The following ANKRD52 variants were observed in gnomAD, a reference collection of about 807,000 sequenced individuals.
ANKRD52 encodes the protein serine/threonine-protein phosphatase 6 regulatory ankyrin repeat subunit C.
ANKRD52 carries 7 observed loss-of-function variants against 116.0 expected under a neutral mutation model. The ratio of observed to expected loss-of-function variants is 0.06; its 90% CI spans 0.03 to 0.11. ANKRD52 has a LOEUF of 0.11. Ranked by LOEUF, ANKRD52 falls within the 10% of genes least tolerant of loss-of-function variation. The pLI is 1.00. For synonymous variants in ANKRD52, 528 were observed against 578.1 expected (o/e 0.91, Z 1.24); for missense variants, 839 against 1,408.6 (o/e 0.60, Z 6.47).
At position 56,244,319 on chromosome 12, in the gene ANKRD52, C is replaced by T. The variant is rs936472645; in HGVS notation, c.2805+34G>A. On this transcript the variant is annotated intron_variant, in intron 25 of 27. Transcript: ENST00000267116. This position sits in a 1 kb window ranked among gnomAD's most constrained non-coding sequence, Gnocchi z 4.9. Reference sequence around the variant, plus strand: ...TACCTCTCTTCATCAAGCTCTGCCCCTTATGCAGTCCCCCAATCACTTCAG... The same window carrying T: ...TACCTCTCTTCATCAAGCTCTGCCCTTTATGCAGTCCCCCAATCACTTCAG... The T allele has an allele frequency of 6.2e-7, 1 of 1,608,202 alleles. No individual in the cohort carries two copies. Among genetic ancestry groups the T allele is most frequent in the Non-Finnish European group, 8.5e-7 (1 of 1,174,782 alleles).
Position 56,245,473 on chromosome 12 carries a change from G to A in ANKRD52, c.2308C>T (p.Leu770=). The A allele has an allele frequency of 6.2e-7, 1 of 1,612,468 alleles. No homozygotes were observed. Among genetic ancestry groups the A allele is most frequent in the Admixed American group, 1.7e-5 (1 of 59,398 alleles). ...AGGGCAGCCTGCAGCAGGGTCCGCA[G>A]TACTGCAGTGTGGCCACAGGCTGAG... ...LASACGHTAV[L]RTLLQAALST... The change falls in exon 21 of 28, where the codon CTG becomes TTG. Residue 770 remains leucine, a synonymous_variant. Coordinates refer to ENST00000267116, the MANE Select transcript of ANKRD52 (RefSeq NM_173595.4).
chr12:56,246,919 CAATAATAATAATAATAATAATAATAAT>C (rs374443069), intron 20 of ANKRD52, among the ~76,000 whole-genome samples: 4 of 125,502 alleles, frequency 3.2e-5, no homozygotes, highest in African/African-American at 1.2e-4. Context: ...GACTCTATCT[CAATAATAATAATAATAATAATAATAAT>C]AATAATAATA....
rs765088809 is a variant in ANKRD52 at position 56,243,182 on chromosome 12, C to T, written c.3191G>A (p.Arg1064Gln). The T allele has an allele frequency of 9.3e-6, 15 of 1,610,536 alleles. No homozygotes were observed. Among genetic ancestry groups the T allele is most frequent in the East Asian group, 4.5e-5 (2 of 44,772 alleles). The change falls in exon 28 of 28, where the codon CGG (arginine) becomes CAG (glutamine). Residue 1064 changes from arginine to glutamine, a missense_variant. By Grantham distance (43) the Arg-to-Gln change is conservative. Coordinates refer to ENST00000267116, the MANE Select transcript of ANKRD52 (RefSeq NM_173595.4). The surrounding 1 kb of genome is among the most constrained non-coding windows in gnomAD (Gnocchi z 4.6). Reference sequence around the variant, plus strand: ...GCCATCTAACCCAATGGCGCCGGGCCGCTCCTGGCTGTAGGGGCAGGAGGC... The same window carrying T: ...GCCATCTAACCCAATGGCGCCGGGCTGCTCCTGGCTGTAGGGGCAGGAGGC... ...HGASCPYSQE[R>Q]PGAIGLDGCY...
chr12:56,255,659 A>T lies in ANKRD52; in HGVS notation c.462+125T>A. 1 of 809,524 alleles carries T rather than the reference A, an allele frequency of 1.2e-6. No individual in the cohort carries two copies. The highest frequency in any genetic ancestry group is 1.9e-6 in the Non-Finnish European group (1 of 515,488). The allele number at this position is 809,524 out of a possible 1,614,324, so 50.1% of individuals were successfully genotyped here. On this transcript the variant is annotated intron_variant, in intron 5 of 27. Coordinates refer to ENST00000267116, the MANE Select transcript of ANKRD52 (RefSeq NM_173595.4). The surrounding 1 kb of genome is among the most constrained non-coding windows in gnomAD (Gnocchi z 4.3). Reference sequence around the variant, plus strand: ...GACCATTCATTTAGTGCTTCAGCTTAAGTGTTTATATAACCATCCGGGCTG... The same window carrying T: ...GACCATTCATTTAGTGCTTCAGCTTTAGTGTTTATATAACCATCCGGGCTG...
intron 20 of ANKRD52, among the ~76,000 whole-genome samples, chr12:56,245,990 C>T (rs1479764911): frequency 6.6e-6 from 1 of 151,962 alleles, no homozygotes; most frequent in Admixed American, 6.6e-5. Flanking sequence ...GCTGGGATTA[C>T]AGGCATGAGC....
In ANKRD52 at chr12:56,242,291, A is replaced by C. The variant is rs1871199876; in HGVS notation, c.*851T>G. ...TAAAACGCTTACTTAAAAATTCATG[A>C]CAAGCCTCAAAGTTCAAGGGAAGGA... On this transcript the variant is annotated 3_prime_UTR_variant, in exon 28 of 28. Coordinates refer to ENST00000267116, the MANE Select transcript of ANKRD52 (RefSeq NM_173595.4). This position sits in a 1 kb window ranked among gnomAD's most constrained non-coding sequence, Gnocchi z 4.3. The C allele has an allele frequency of 5.0e-6, 2 of 397,516 alleles. No individual in the cohort carries two copies. The highest frequency in any genetic ancestry group is 4.1e-5 in the African/African-American group (2 of 48,604). 24.6% of individuals were successfully genotyped at this position (397,516 alleles called of 1,614,324 possible).
Position 56,248,083 on chromosome 12 carries a change from G to A in ANKRD52, c.1918C>T (p.His640Tyr). 6.2e-7 allele frequency: 1 copy of A among 1,612,632 alleles called. No individual in the cohort carries two copies. The highest frequency in any genetic ancestry group is 8.5e-7 in the Non-Finnish European group (1 of 1,179,874). ...TCCTTGATGAGGGCAGAGGCGCCGT[G>A]GGCTGTAAGCACCTCCACACACTCA... is the stretch of plus-strand genomic sequence containing the variant. ...STECVEVLTA[H>Y]GASALIKERK... Residue 640 changes from histidine to tyrosine, a missense_variant, in exon 18 of 28, where the codon CAC becomes TAC. This residue lies in a region of ANKRD52 where 552 missense variants were observed against 810.6 expected (regional missense o/e 0.68). Coordinates refer to ENST00000267116, the MANE Select transcript of ANKRD52 (RefSeq NM_173595.4). This position sits in a 1 kb window ranked among gnomAD's most constrained non-coding sequence, Gnocchi z 5.1.
chr12:56,257,181 T>TCGCCTGGACCAAGC (rs905932270), intron 3 of ANKRD52, 96 bp from the exon 4 acceptor site: 3 of 1,550,670 alleles, frequency 1.9e-6, no homozygotes, highest in East Asian at 2.3e-5. Flanking sequence ...AGCTGGAGCC[T>TCGCCTGGACCAAGC]CGCCTGGACC....
rs565797122 is a variant in ANKRD52 at position 56,253,398 on chromosome 12, G to A, written c.990C>T (p.Ser330=). 34 of 1,612,740 alleles carry A rather than the reference G, an allele frequency of 2.1e-5. No homozygotes were observed. Among genetic ancestry groups the A allele is most frequent in the South Asian group, 7.7e-5 (7 of 91,020 alleles). ...CAAATTTGTCGGCACAATCAATCTC[G>A]CTGCCTGTGAGGGGATGCACACACA... ...TRSQILIQNG[S]EIDCADKFGN... Residue 330 remains serine, a synonymous_variant, in exon 10 of 28, where the codon AGC becomes AGT. Transcript: ENST00000267116. This position sits in a 1 kb window ranked among gnomAD's most constrained non-coding sequence, Gnocchi z 5.5.
intron 2 of ANKRD52, 22 bp downstream of exon 2, chr12:56,257,806 A>G (rs752915773): frequency 2.5e-6 from 4 of 1,611,812 alleles, no homozygotes; most frequent in South Asian, 1.1e-5. Context: ...CGGTCTCGCC[A>G]TCCTCCCTGC....
At position 56,238,007 on chromosome 12, in the gene ANKRD52, G is replaced by C; in HGVS notation, c.*5135C>G. 1 of 310,200 alleles carries C rather than the reference G, an allele frequency of 3.2e-6. No individual in the cohort carries two copies. 19.2% of individuals were successfully genotyped at this position (310,200 alleles called of 1,614,324 possible). On this transcript the variant is annotated 3_prime_UTR_variant, in exon 28 of 28. Transcript: ENST00000267116. ...ATTGTGCTTTAGCCCAGGGAGGGGA[G>C]GGGTGGGGCAAATGCACCGAGGTCC...
chr12:56,252,375 G>A lies in ANKRD52; in HGVS notation c.1371-60C>T. ...TCAGAGACAGATACGAATGCAATCA[G>A]ATGTGCAGCCAAATGCTGCTTTGTA... On this transcript the variant is annotated intron_variant, in intron 13 of 27. Coordinates refer to ENST00000267116, the MANE Select transcript of ANKRD52 (RefSeq NM_173595.4). This position sits in a 1 kb window ranked among gnomAD's most constrained non-coding sequence, Gnocchi z 4.7. 6.2e-7 allele frequency: 1 copy of A among 1,605,474 alleles called. No individual in the cohort carries two copies. Among genetic ancestry groups the A allele is most frequent in the South Asian group, 1.1e-5 (1 of 90,858 alleles).
At position 56,248,832 on chromosome 12, in the gene ANKRD52, G is replaced by A. The variant is rs1871549781; in HGVS notation, c.1631C>T (p.Ser544Phe). The A allele has an allele frequency of 1.2e-6, 2 of 1,610,396 alleles. No individual in the cohort carries two copies. The highest frequency in any genetic ancestry group is 1.7e-6 in the Non-Finnish European group (2 of 1,178,376). ...EFLLDNGADP[S>F]LRDRQGYTAV... ...TGTGTAGCCCTGCCTGTCCCGCAGG[G>A]AGGGGTCTGCACCGTTATCCAGTAA... is the stretch of plus-strand genomic sequence containing the variant. Residue 544 changes from serine to phenylalanine, a missense_variant, in exon 16 of 28, where the codon TCC (serine) becomes TTC (phenylalanine). Ser to Phe is a radical substitution (Grantham distance 155). Transcript: ENST00000267116. The surrounding 1 kb of genome is among the most constrained non-coding windows in gnomAD (Gnocchi z 5.1).
Position 56,248,193 on chromosome 12 carries a change from G to T in ANKRD52, c.1808C>A (p.Thr603Lys). 6.2e-7 allele frequency: 1 copy of T among 1,613,870 alleles called. No individual in the cohort carries two copies. Residue 603 changes from threonine (T) to lysine (K), a missense_variant, in exon 18 of 28, where the codon ACG (threonine) becomes AAG (lysine). By Grantham distance (78) the Thr-to-Lys change is moderately conservative (BLOSUM62 -1). Coordinates refer to ENST00000267116, the MANE Select transcript of ANKRD52 (RefSeq NM_173595.4). The surrounding 1 kb of genome is among the most constrained non-coding windows in gnomAD (Gnocchi z 5.1). Reference protein sequence around the residue: ...AYNGHCEALKTLAETLVNLDV... With the variant: ...AYNGHCEALKKLAETLVNLDV... ...CAGATTCACCAGCGTCTCCGCCAGC[G>T]TCTTCAAGGCTTCACAGTGACCGTT...
chr12:56,258,225 A>G lies in ANKRD52; in HGVS notation c.27+18T>C. ...CGAGCCCTGGAAGGAGGAAGCGGGA[A>G]AGGGCAGGAGGGCTGACCTGGTCCG... On this transcript the variant is annotated intron_variant, in intron 1 of 27. Coordinates refer to ENST00000267116, the MANE Select transcript of ANKRD52 (RefSeq NM_173595.4). 1 of 1,599,550 alleles carries G rather than the reference A, an allele frequency of 6.3e-7. No individual in the cohort carries two copies. Among genetic ancestry groups the G allele is most frequent in the South Asian group, 1.1e-5 (1 of 88,426 alleles).
intron 15 of ANKRD52, among the ~76,000 whole-genome samples, chr12:56,249,690 G>A (rs192216663): frequency 4.5e-4 from 68 of 152,330 alleles, no homozygotes; most frequent in South Asian, 1.2e-3. Flanking sequence ...GATCACCCGC[G>A]GTCAGGAGTT....
intron 22 of ANKRD52, 24 bp downstream of exon 22, chr12:56,245,079 G>T (rs1409525551): frequency 6.2e-7 from 1 of 1,613,482 alleles, no homozygotes; most frequent in Non-Finnish European, 8.5e-7. Context: ...CGCGAGAAGG[G>T]CTGATGCAGC....
Position 56,255,054 on chromosome 12 carries a change from T to C in ANKRD52, c.463-102A>G, listed in dbSNP as rs1045595124. On this transcript the variant is annotated intron_variant, in intron 5 of 27. Transcript: ENST00000267116. The surrounding 1 kb of genome is among the most constrained non-coding windows in gnomAD (Gnocchi z 4.3). Reference sequence around the variant, plus strand: ...TCCTGAAAAGGCTGAGGCAGCCTAATGCCTTTTTCCATGAGCAAAACAACC... The same window carrying C: ...TCCTGAAAAGGCTGAGGCAGCCTAACGCCTTTTTCCATGAGCAAAACAACC... 3 of 1,257,474 alleles carry C rather than the reference T, an allele frequency of 2.4e-6. No homozygotes were observed. Among genetic ancestry groups the C allele is most frequent in the Non-Finnish European group, 3.4e-6 (3 of 882,156 alleles). The allele number at this position is 1,257,474 out of a possible 1,614,324, so 77.9% of individuals were successfully genotyped here.
chr12:56,245,784 G>C (rs1244184008), intron 20 of ANKRD52, among the ~76,000 whole-genome samples, 188 bp from the exon 21 acceptor site: 2 of 145,888 alleles, frequency 1.4e-5, no homozygotes, highest in Non-Finnish European at 3.0e-5. Flanking sequence ...GCATAATCTC[G>C]GCTCACTGCA....
Sources: allele counts gnomAD v4.1 joint callset (sites outside exome capture counted in the v4.1 genomes callset), GRCh38; gene constraint gnomAD v4.1.1; regional missense constraint gnomAD v4.1.1; non-coding constraint Gnocchi (gnomAD v3.1); transcripts MANE v1.5; gene names NCBI Gene and HGNC (gene_info 2026-07-23, HGNC 2026-07-21).